The following PAH variants were observed in gnomAD, a reference collection of about 807,000 sequenced individuals.
PAH encodes the protein phenylalanine-4-hydroxylase.
PAH carries 64 observed loss-of-function variants against 62.0 expected under a neutral mutation model. That is an observed-to-expected ratio of 1.03 (90% confidence interval 0.84 to 1.27). The LOEUF (loss-of-function observed/expected upper bound fraction) is 1.27, where lower values mean the gene tolerates loss of function less well. PAH is among the 50% of genes most tolerant of loss of function. PAH has a pLI of 0.00. For synonymous variants in PAH, 195 were observed against 196.2 expected, an observed-to-expected ratio of 0.99 and a Z score of 0.05; for missense variants, 579 against 542.8, an observed-to-expected ratio of 1.07 and a Z score of -0.66.
chr12:102,943,222 A>C (rs1052178562), intron 1 of PAH, among the ~76,000 whole-genome samples: 1 of 152,012 alleles, frequency 6.6e-6, no homozygotes, highest in Non-Finnish European at 1.5e-5. Context: ...TAAACTAATA[A>C]ACAAAACACA....
In PAH at chr12:102,855,143, G is replaced by C. The variant is rs62517208; in HGVS notation, c.699C>G (p.Phe233Leu). The change falls in exon 6 of 13, where the codon TTC (phenylalanine) becomes TTG (leucine). Residue 233 changes from phenylalanine to leucine, a missense_variant. Coordinates refer to ENST00000553106, the MANE Select transcript of PAH (RefSeq NM_000277.3). The part of the protein sequence containing the change: ...NIPQLEDVSQ[F>L]LQTCTGFRLR... The stretch of plus-strand genomic sequence containing the variant: ...ACCCTGATGTGGACTTACTCTGCAG[G>C]AACTGAGAAACGTCTTCCAGCTGGG... 6.2e-7 allele frequency: 1 copy of C among 1,613,690 alleles called. No individual in the cohort carries two copies. Among genetic ancestry groups the C allele is most frequent in the East Asian group, 2.2e-5 (1 of 44,878 alleles).
At chr12:102,927,947 T>C (rs1187416117) in intron 1 of PAH, among the ~76,000 whole-genome samples, 1 of 152,182 alleles carries the variant, frequency 6.6e-6, no homozygotes, top group Non-Finnish European at 1.5e-5. Context: ...AGGGAAAATA[T>C]AGTTTGCCTA....
At chr12:102,872,975 C>T (rs1055200825) in intron 4 of PAH, among the ~76,000 whole-genome samples, 1 of 152,068 alleles carries the variant, frequency 6.6e-6, no homozygotes, top group Non-Finnish European at 1.5e-5. Context: ...TTAAAAAAAA[C>T]CATGTAGTTT....
chr12:102,904,865 G>A (rs1050070713), intron 2 of PAH: 55 of 296,794 alleles, frequency 1.9e-4, no homozygotes, highest in East Asian at 1.5e-4. Flanking sequence ...TTCTTCTGGC[G>A]AATGGCTCAA....
At chr12:102,944,736 T>C (rs1265777174) in intron 1 of PAH, among the ~76,000 whole-genome samples, 1 of 152,248 alleles carries the variant, frequency 6.6e-6, no homozygotes, top group Non-Finnish European at 1.5e-5. Context: ...TCTCTGTCTC[T>C]GCAGCATTGG....
chr12:102,889,449 AGAT>A (rs756949591), intron 3 of PAH, among the ~76,000 whole-genome samples: 4 of 142,242 alleles, frequency 2.8e-5, no homozygotes, highest in South Asian at 2.3e-4. Context: ...ATAGATAGAT[AGAT>A]GATAGATGAT....
Position 102,909,542 on chromosome 12 carries a change from G to GA in PAH, c.168+3248dup, listed in dbSNP as rs541014180. On this transcript the variant is annotated intron_variant, in intron 2 of 12. Transcript: ENST00000553106. ...TCCCCCTTCCATGTGGTACTTTTTG[G>GA]AAAAAAAGTCACTATAAAAACCCAC... Among the ~76,000 whole-genome samples, 27 of 151,736 alleles carry GA rather than the reference G, an allele frequency of 1.8e-4. No individual in the cohort carries two copies. The South Asian group carries it at 2.7e-3, about 15-fold the overall frequency.
intron 2 of PAH, among the ~76,000 whole-genome samples, chr12:102,903,223 T>C (rs552723646): frequency 4.6e-5 from 7 of 152,068 alleles, no homozygotes; most frequent in Admixed American, 3.9e-4. Flanking sequence ...TAGCCAGGCA[T>C]AGTGGCAGGT....
upstream of PAH, among the ~76,000 whole-genome samples, chr12:102,954,493 C>T (rs1458907979): frequency 6.6e-6 from 1 of 152,162 alleles, no homozygotes; most frequent in Non-Finnish European, 1.5e-5. Context: ...TCATTGAAGT[C>T]TCACAACTCT....
chr12:102,904,735 T>G, intron 2 of PAH: 1 of 509,670 alleles, frequency 2.0e-6, no homozygotes, highest in Non-Finnish European at 3.9e-6. Context: ...AGCTTAAAGG[T>G]CTCATCCGTA....
At chr12:102,949,082 C>T (rs1193609514) in intron 1 of PAH, among the ~76,000 whole-genome samples, 1 of 152,024 alleles carries the variant, frequency 6.6e-6, no homozygotes, top group African/African-American at 2.4e-5. Context: ...TCTCGGGGTC[C>T]CAATTCCTAG....
intron 12 of PAH, 45 bp from the exon 13 acceptor site, chr12:102,839,263 CA>C (rs760830983): frequency 7.5e-6 from 12 of 1,591,886 alleles, no homozygotes; most frequent in Admixed American, 6.7e-5. Context: ...GTATAATAAG[CA>C]AAAACTCTTC....
chr12:102,910,485 C>G (rs1264485717), intron 2 of PAH, among the ~76,000 whole-genome samples: 2 of 151,982 alleles, frequency 1.3e-5, no homozygotes, highest in African/African-American at 4.8e-5. Flanking sequence ...ATTCTCCTGC[C>G]TTGGCCTCCC....
chr12:102,954,868 G>T (rs1447943469), upstream of PAH, among the ~76,000 whole-genome samples: 1 of 152,228 alleles, frequency 6.6e-6, no homozygotes, highest in Non-Finnish European at 1.5e-5. Context: ...CTACCCTAGG[G>T]TTGGAGGAGA....
rs1874741770 is a variant in PAH at position 102,844,424 on chromosome 12, CA to C, written c.976del (p.Trp326GlyfsTer15). On this transcript the variant is annotated frameshift_variant, in exon 10 of 13. Transcript: ENST00000553106. LOFTEE classifies it high-confidence loss of function. The stretch of plus-strand genomic sequence containing the variant: ...GCAGAGCCCAAACTCCACAGTAAAC[CA>C]GTAAATCTGGAATGGAAAGTCAATC... ...EYIEKLATIY[W>X]FTVEFGLCKQ... 6.2e-7 allele frequency: 1 copy of C among 1,611,148 alleles called. No individual in the cohort carries two copies. The highest frequency in any genetic ancestry group is 1.1e-5 in the South Asian group (1 of 90,966).
At chr12:102,879,865 G>T (rs1003486735) in intron 3 of PAH, among the ~76,000 whole-genome samples, 13 of 152,242 alleles carry the variant, frequency 8.5e-5, no homozygotes, top group South Asian at 2.1e-4. Context: ...CTAAAGCACA[G>T]CCCTCTTTTC....
intron 2 of PAH, among the ~76,000 whole-genome samples, chr12:102,907,132 C>T (rs373272911): frequency 2.9e-4 from 44 of 152,114 alleles, no homozygotes; most frequent in Admixed American, 7.9e-4. Context: ...ATGTTAACAG[C>T]GGTTGATAAT....
At chr12:102,899,563 TAAA>T (rs974245975) in intron 2 of PAH, among the ~76,000 whole-genome samples, 32 of 152,040 alleles carry the variant, frequency 2.1e-4, no homozygotes, top group Non-Finnish European at 1.0e-4. Flanking sequence ...AGGCAATCAT[TAAA>T]AAGTGAGTAA....
In PAH at chr12:102,898,585, T is replaced by C. The variant is rs562107760; in HGVS notation, c.169-3667A>G. 8.5e-5 allele frequency among the ~76,000 whole-genome samples: 13 copies of C among 152,348 alleles called. No homozygotes were observed. In the East Asian group the frequency reaches 2.3e-3, roughly 27 times the overall value. On this transcript the variant is annotated intron_variant, in intron 2 of 12. Transcript: ENST00000553106. ...AACGGTATAAGGTTCAAAAGAACTGTAGTGATGCCTTTTCATACTTAAGTA... is the reference window on the plus strand; with the variant it reads ...AACGGTATAAGGTTCAAAAGAACTGCAGTGATGCCTTTTCATACTTAAGTA...
Sources: gnomAD v4.1 joint callset for allele counts (sites outside exome capture counted in the v4.1 genomes callset) on GRCh38, gnomAD v4.1.1 for gene constraint, MANE v1.5 for transcripts, NCBI Gene and HGNC (gene_info 2026-07-23, HGNC 2026-07-21) for gene names.